Variants in GARNL3 observed in about 807,000 individuals in gnomAD.
GARNL3 encodes GTPase-activating Rap/Ran-GAP domain-like protein 3.
In GARNL3, 63 loss-of-function variants were observed where a neutral mutation model predicts 125.0. The observed-to-expected ratio is 0.50, with a 90% CI of 0.41 to 0.62. The LOEUF is 0.62. Ranked by LOEUF, GARNL3 falls within the 20% of genes least tolerant of loss-of-function variation. GARNL3 has a pLI of 0.00. For missense variants in GARNL3, 994 were observed against 1,244.0 expected, an observed-to-expected ratio of 0.80 and a Z score of 3.02; for synonymous variants, 439 against 457.5, an observed-to-expected ratio of 0.96 and a Z score of 0.52.
At chr9:127,261,407 GTTTTTTTTT>G (rs377048911), upstream of GARNL3, among the ~76,000 whole-genome samples, 3 of 117,140 alleles carry the variant, frequency 2.6e-5, no homozygotes, top group Non-Finnish European at 5.1e-5. Context: ...TTTTTTGTTG[GTTTTTTTTT>G]TTTTTTTTTT....
chr9:127,380,744 G>T (rs747774704), intron 22 of GARNL3, among the ~76,000 whole-genome samples: 1 of 152,242 alleles, frequency 6.6e-6, no homozygotes, highest in Non-Finnish European at 1.5e-5. Flanking sequence ...CACAGACACA[G>T]AAGCAAATAA....
intron 13 of GARNL3, 56 bp from the exon 14 acceptor site, chr9:127,342,163 T>TTG: frequency 9.5e-7 from 1 of 1,055,148 alleles, no homozygotes; most frequent in Non-Finnish European, 1.5e-6. Context: ...GTTTCAATTC[T>TTG]TGTGTGTGTG....
At position 127,335,349 on chromosome 9, in the gene GARNL3, C is replaced by T; in HGVS notation, c.873+16C>T. ...CAAACAGCAGGTACATGTGAACATACAAACCATCAAATAGTGATGTGAATG... is the reference window on the plus strand; with the variant it reads ...CAAACAGCAGGTACATGTGAACATATAAACCATCAAATAGTGATGTGAATG... On this transcript the variant is annotated intron_variant, in intron 10 of 27. Coordinates refer to ENST00000373387, the MANE Select transcript of GARNL3 (RefSeq NM_032293.5). 2 of 1,530,498 alleles carry T rather than the reference C, an allele frequency of 1.3e-6. No homozygotes were observed. Among genetic ancestry groups the T allele is most frequent in the Non-Finnish European group, 1.8e-6 (2 of 1,103,642 alleles). 94.8% of individuals were successfully genotyped at this position (1,530,498 alleles called of 1,614,324 possible).
intron 17 of GARNL3, among the ~76,000 whole-genome samples, chr9:127,349,947 A>G (rs1199373743): frequency 6.6e-6 from 1 of 152,066 alleles, no homozygotes; most frequent in Non-Finnish European, 1.5e-5. Flanking sequence ...CTTCAGTACA[A>G]CCTATACGTC....
chr9:127,367,541 C>G (rs1564185120), intron 22 of GARNL3: 1 of 152,062 alleles, frequency 6.6e-6, no homozygotes, highest in Non-Finnish European at 1.5e-5. Flanking sequence ...ATAAATTGTT[C>G]AATATGCTAC....
chr9:127,340,659 C>T (rs559911946), intron 13 of GARNL3, among the ~76,000 whole-genome samples: 1 of 150,284 alleles, frequency 6.7e-6, no homozygotes, highest in South Asian at 2.2e-4. Context: ...TCTCTTCACT[C>T]TGTCCGTCCT....
At chr9:127,366,121 A>G (rs1831275444) in intron 22 of GARNL3, among the ~76,000 whole-genome samples, 1 of 152,246 alleles carries the variant, frequency 6.6e-6, no homozygotes, top group Non-Finnish European at 1.5e-5. Context: ...GACATAAAAC[A>G]TGTTTTTCGG....
At chr9:127,258,875 G>T (rs191544486), upstream of GARNL3, among the ~76,000 whole-genome samples, 2 of 152,132 alleles carry the variant, frequency 1.3e-5, no homozygotes, top group Non-Finnish European at 2.9e-5. Context: ...TCTGCCTATC[G>T]TGGAGCAGGG....
At chr9:127,381,905 G>A (rs946276229) in intron 22 of GARNL3, among the ~76,000 whole-genome samples, 7 of 151,972 alleles carry the variant, frequency 4.6e-5, no homozygotes, top group African/African-American at 4.8e-5. Flanking sequence ...GCACCTGGCC[G>A]CTTTTCTTTT....
At chr9:127,357,521 C>A (rs1025131076) in intron 21 of GARNL3, 144 bp downstream of exon 21, 27 of 792,260 alleles carry the variant, frequency 3.4e-5, no homozygotes, top group Non-Finnish European at 5.1e-5. Flanking sequence ...ACTATTTAGA[C>A]TGAGCCATGT....
intron 3 of GARNL3, among the ~76,000 whole-genome samples, chr9:127,312,128 G>A (rs138224093): frequency 6.6e-6 from 1 of 152,294 alleles, no homozygotes; most frequent in African/African-American, 2.4e-5. Context: ...GGTTCCCTGA[G>A]CTCCAGGGCC....
At chr9:127,263,714 T>G (rs1232237467), upstream of GARNL3, 1 of 1,175,768 alleles carries the variant, frequency 8.5e-7, no homozygotes. Context: ...TCAAACTGCA[T>G]GCATTGATGT....
chr9:127,288,744 A>T (rs1588764488), intron 1 of GARNL3, among the ~76,000 whole-genome samples: 1 of 152,334 alleles, frequency 6.6e-6, no homozygotes, highest in African/African-American at 2.4e-5. Flanking sequence ...AAAGAGCATT[A>T]TTACGTATGC....
chr9:127,314,353 C>T (rs917316091), intron 4 of GARNL3, among the ~76,000 whole-genome samples: 5 of 152,176 alleles, frequency 3.3e-5, no homozygotes, highest in Non-Finnish European at 7.3e-5. Context: ...TTAAGATTCC[C>T]GTGCAAGGCC....
intron 22 of GARNL3, among the ~76,000 whole-genome samples, chr9:127,373,347 A>G (rs1215433566): frequency 1.3e-5 from 2 of 152,252 alleles, no homozygotes; most frequent in African/African-American, 4.8e-5. Context: ...GAACCAAAAC[A>G]ACAACATAGG....
chr9:127,386,569 G>A (rs1188157195), intron 24 of GARNL3, among the ~76,000 whole-genome samples: 1 of 152,224 alleles, frequency 6.6e-6, no homozygotes, highest in Non-Finnish European at 1.5e-5. Flanking sequence ...CTCCAGAGCA[G>A]ATGTAATAGT....
At chr9:127,258,603 C>T (rs950479487) in intron 2 of GARNL3, among the ~76,000 whole-genome samples, 2 of 152,152 alleles carry the variant, frequency 1.3e-5, no homozygotes, top group African/African-American at 4.8e-5. Context: ...GCTGCCACTG[C>T]ACTCCATCCT....
At chr9:127,346,421 C>G (rs1230631321) in intron 16 of GARNL3, among the ~76,000 whole-genome samples, 2 of 152,268 alleles carry the variant, frequency 1.3e-5, no homozygotes, top group Non-Finnish European at 2.9e-5. Flanking sequence ...ATAATTAACC[C>G]TAAAAACCAC....
In GARNL3 at chr9:127,313,438, C is replaced by T; in HGVS notation, c.320-3C>T. On this transcript the variant is annotated splice_polypyrimidine_tract_variant and splice_region_variant and intron_variant, in intron 3 of 27. Coordinates refer to ENST00000373387, the MANE Select transcript of GARNL3 (RefSeq NM_032293.5). ...CTCACTGTTCTAAACCTTTCTTTTC[C>T]AGTCCATCAGAACTACATTGGAAAC... 1 of 1,604,522 alleles carries T rather than the reference C, an allele frequency of 6.2e-7. No individual in the cohort carries two copies. Among genetic ancestry groups the T allele is most frequent in the South Asian group, 1.1e-5 (1 of 90,872 alleles).
Sources: gnomAD v4.1 joint callset for allele counts (sites outside exome capture counted in the v4.1 genomes callset) on GRCh38, gnomAD v4.1.1 for gene constraint, MANE v1.5 for transcripts, NCBI Gene and HGNC (gene_info 2026-07-23, HGNC 2026-07-21) for gene names.